Variants in FLI1 observed in about 807,000 individuals in gnomAD.
The protein encoded by FLI1 is Friend leukemia integration 1 transcription factor.
A neutral mutation model predicts 53.1 loss-of-function variants in FLI1; 13 were observed. The observed-to-expected ratio is 0.24, with a 90% CI of 0.16 to 0.39. The LOEUF is 0.39. FLI1 is among the 10% of genes least tolerant of loss of function. The pLI is 1.00. For missense variants in FLI1, 424 were observed against 600.5 expected, an observed-to-expected ratio of 0.71 and a Z score of 3.07; for synonymous variants, 244 against 236.7, an observed-to-expected ratio of 1.03 and a Z score of -0.28.
intron 1 of FLI1, among the ~76,000 whole-genome samples, chr11:128,706,697 G>C (rs1001371127): frequency 2.0e-5 from 3 of 152,174 alleles, no homozygotes; most frequent in Non-Finnish European, 4.4e-5. Flanking sequence ...AGGGACTCCT[G>C]CTTCTTTGTT....
chr11:128,705,809 A>G (rs1451507979), intron 1 of FLI1, among the ~76,000 whole-genome samples: 1 of 152,170 alleles, frequency 6.6e-6, no homozygotes, highest in Non-Finnish European at 1.5e-5. Flanking sequence ...CCATAGCTCC[A>G]AGGATCCTTG....
At chr11:128,685,618 G>T (rs765988463), upstream of FLI1, among the ~76,000 whole-genome samples, 3 of 150,830 alleles carry the variant, frequency 2.0e-5, no homozygotes, top group Admixed American at 6.6e-5. Flanking sequence ...AAGAAAGTGC[G>T]CCTGGGCGGA....
At chr11:128,739,023 G>A (rs1940019082) in intron 1 of FLI1, among the ~76,000 whole-genome samples, 2 of 152,212 alleles carry the variant, frequency 1.3e-5, no homozygotes, top group Admixed American at 1.3e-4. Context: ...TGGCTTATGA[G>A]TGCAGAGAGA....
intron 4 of FLI1, among the ~76,000 whole-genome samples, chr11:128,779,385 G>T (rs1390590837): frequency 6.6e-6 from 1 of 152,164 alleles, no homozygotes; most frequent in East Asian, 1.9e-4. Context: ...CGAACATTTG[G>T]TTCCATTTCT....
chr11:128,802,767 A>T (rs1163483471), intron 5 of FLI1, among the ~76,000 whole-genome samples: 2 of 152,268 alleles, frequency 1.3e-5, no homozygotes, highest in African/African-American at 4.8e-5. Flanking sequence ...CTGATAAGGC[A>T]TGCCTTTAAC....
intron 5 of FLI1, among the ~76,000 whole-genome samples, chr11:128,799,605 A>C (rs1206381010): frequency 6.6e-6 from 1 of 152,090 alleles, no homozygotes; most frequent in Non-Finnish European, 1.5e-5. Flanking sequence ...CTATCTCCTA[A>C]CTGCCAAAAT....
intron 5 of FLI1, among the ~76,000 whole-genome samples, chr11:128,801,712 A>T (rs1942642915): frequency 6.6e-6 from 1 of 152,206 alleles, no homozygotes; most frequent in Non-Finnish European, 1.5e-5. Flanking sequence ...ATGAACAATA[A>T]GAAGAATTGT....
chr11:128,757,070 T>A (rs920592499), intron 1 of FLI1, among the ~76,000 whole-genome samples: 1 of 144,886 alleles, frequency 6.9e-6, no homozygotes, highest in African/African-American at 2.7e-5. Context: ...CTTTCTTTCT[T>A]TCTTTCTTTC....
Position 128,813,104 on chromosome 11 carries a change from A to G in FLI1, c.*2116A>G, listed in dbSNP as rs1942970288. ...GTCTCCAGTTTTTTTTTAATCTTGC[A>G]CCCTGCCATTTAAAAAGATGTGTAA... On this transcript the variant is annotated 3_prime_UTR_variant, in exon 9 of 9. Transcript: ENST00000527786. The G allele has an allele frequency of 6.1e-6, 1 of 164,174 alleles. No homozygotes were observed. Among genetic ancestry groups the G allele is most frequent in the African/African-American group, 2.4e-5 (1 of 40,950 alleles). 10.2% of individuals were successfully genotyped at this position (164,174 alleles called of 1,614,324 possible). A position where few individuals can be genotyped will look rare whatever the true frequency, so the allele number is the denominator to read the frequency against.
At chr11:128,714,928 C>T (rs1938945944) in intron 1 of FLI1, among the ~76,000 whole-genome samples, 3 of 151,926 alleles carry the variant, frequency 2.0e-5, no homozygotes, top group South Asian at 2.1e-4. Context: ...GGAATGGTCT[C>T]AATCTCTTGA....
intron 5 of FLI1, chr11:128,803,794 T>C (rs533618849): frequency 6.6e-6 from 1 of 152,392 alleles, no homozygotes; most frequent in African/African-American, 2.4e-5. Context: ...GCACTTCCTC[T>C]GCAAGACATC....
At chr11:128,774,961 G>A (rs1158292434) in intron 4 of FLI1, among the ~76,000 whole-genome samples, 2 of 152,170 alleles carry the variant, frequency 1.3e-5, no homozygotes, top group Non-Finnish European at 2.9e-5. Context: ...TGGCATTTTG[G>A]GGGGTATAGC....
chr11:128,723,702 G>A (rs1242367205), intron 1 of FLI1, among the ~76,000 whole-genome samples: 5 of 152,280 alleles, frequency 3.3e-5, no homozygotes, highest in Admixed American at 3.3e-4. Flanking sequence ...ATCCTGGGCA[G>A]TGTGCCAAAT....
rs751523403 is a variant in FLI1 at position 128,799,703 on chromosome 11, C to G, written c.656-5663C>G. ...CTTTGCCTCAGGGTGGGGCTGAGGG[C>G]GCGGACTCGAGCAAAGACTGCAGCA... On this transcript the variant is annotated intron_variant, in intron 5 of 8. Coordinates refer to ENST00000527786, the MANE Select transcript of FLI1 (RefSeq NM_002017.5). 9.8e-5 allele frequency among the ~76,000 whole-genome samples: 15 copies of G among 152,290 alleles called. No homozygotes were observed. In the South Asian group the frequency reaches 3.1e-3, roughly 32 times the overall value.
chr11:128,791,574 A>G lies in FLI1; in HGVS notation c.655+9551A>G, dbSNP rs556019162. Among the ~76,000 whole-genome samples the G allele has an allele frequency of 2.0e-3, 307 of 152,350 alleles. 1 individual carries two copies. The highest frequency in any genetic ancestry group is 7.9e-3 in the South Asian group (38 of 4,830). On this transcript the variant is annotated intron_variant, in intron 5 of 8. Coordinates refer to ENST00000527786, the MANE Select transcript of FLI1 (RefSeq NM_002017.5). Reference sequence around the variant, plus strand: ...ACTATTGGATGGATGGATGAAAATAATAGGCAAAGTACCTTAAACTGTTCC... The same window carrying G: ...ACTATTGGATGGATGGATGAAAATAGTAGGCAAAGTACCTTAAACTGTTCC...
In FLI1 at chr11:128,810,417, C is replaced by T. The variant is rs1185351972; in HGVS notation, c.830-42C>T. On this transcript the variant is annotated intron_variant, in intron 8 of 8. Transcript: ENST00000527786. The surrounding 1 kb of genome is among the most constrained non-coding windows in gnomAD (Gnocchi z 6.6). ...GGAACTGGGTTCTGCCTTCTCTGGG[C>T]TGAGGTGTTCTGTTCTCTCCCGTTT... 15 of 1,543,328 alleles carry T rather than the reference C, an allele frequency of 9.7e-6. No individual in the cohort carries two copies. In the Admixed American group the frequency reaches 1.3e-4, roughly 13 times the overall value.
At chr11:128,806,655 G>A (rs1050974988) in intron 6 of FLI1, 1 of 152,302 alleles carries the variant, frequency 6.6e-6, no homozygotes, top group Non-Finnish European at 1.5e-5. Context: ...CATGCAAGAA[G>A]CAATACAGAT....
intron 1 of FLI1, among the ~76,000 whole-genome samples, chr11:128,706,591 C>G (rs961148502): frequency 6.6e-6 from 1 of 152,170 alleles, no homozygotes; most frequent in Admixed American, 6.5e-5. Flanking sequence ...GGCAAGAGCC[C>G]CTGGAAGCAG....
Position 128,767,586 on chromosome 11 carries a change from CACTG to C in FLI1, c.231-530_231-527del, listed in dbSNP as rs542727274. Among the ~76,000 whole-genome samples the C allele has an allele frequency of 3.3e-3, 496 of 152,314 alleles. 2 individuals carry two copies. Among genetic ancestry groups the C allele is most frequent in the Admixed American group, 5.6e-3 (86 of 15,306 alleles). ...TTATATATGTGCAATAGAAATAACTCACTGAGAAAGCATTTGCTGCTCACCTCCT... is the reference window on the plus strand; with the variant it reads ...TTATATATGTGCAATAGAAATAACTCAGAAAGCATTTGCTGCTCACCTCCT... On this transcript the variant is annotated intron_variant, in intron 2 of 8. Transcript: ENST00000527786.
Sources: allele counts gnomAD v4.1 joint callset (sites outside exome capture counted in the v4.1 genomes callset), GRCh38; gene constraint gnomAD v4.1.1; non-coding constraint Gnocchi (gnomAD v3.1); transcripts MANE v1.5; gene names NCBI Gene and HGNC (gene_info 2026-07-23, HGNC 2026-07-21).